The following MTA3 variants were observed in gnomAD, a reference collection of about 807,000 sequenced individuals.
MTA3 encodes metastasis associated 1 family member 3, also known as metastasis-associated protein MTA3.
A neutral mutation model predicts 83.5 loss-of-function variants in MTA3; 34 were observed. That is an observed-to-expected ratio of 0.41 (90% CI 0.31 to 0.54). MTA3 has a LOEUF of 0.54. Among genes scored for constraint, MTA3 ranks in the 20% least tolerant of loss-of-function variants. MTA3 has a pLI of 0.33. For synonymous variants in MTA3, 303 were observed against 252.7 expected, an observed-to-expected ratio of 1.20 and a Z score of -1.89; for missense variants, 761 against 726.4, an observed-to-expected ratio of 1.05 and a Z score of -0.55.
chr2:42,513,819 C>A (rs1675010526), intron 2 of MTA3, among the ~76,000 whole-genome samples: 1 of 152,194 alleles, frequency 6.6e-6, no homozygotes, highest in Non-Finnish European at 1.5e-5. Context: ...AACGGGCTTA[C>A]ACCTAGGAAA....
chr2:42,608,713 T>C (rs1683808101), intron 3 of MTA3, among the ~76,000 whole-genome samples: 1 of 152,098 alleles, frequency 6.6e-6, no homozygotes, highest in Non-Finnish European at 1.5e-5. Context: ...TGTAACGCTG[T>C]CTCTACTAAA....
intron 2 of MTA3, among the ~76,000 whole-genome samples, chr2:42,499,832 G>C (rs1674315669): frequency 6.6e-6 from 1 of 151,906 alleles, no homozygotes; most frequent in South Asian, 2.1e-4. Context: ...TGATGGATAT[G>C]TTTATGGCAT....
In MTA3 at chr2:42,722,881, C is replaced by G. The variant is rs1291282976; in HGVS notation, c.1613-8C>G. 3 of 1,549,894 alleles carry G rather than the reference C, an allele frequency of 1.9e-6. No homozygotes were observed. Among genetic ancestry groups the G allele is most frequent in the African/African-American group, 1.4e-5 (1 of 73,038 alleles). ...TTCTGAATTGAGAAACCTTTTTTCC[C>G]CCATCAGAGATCCATCCTGCAAAGA... On this transcript the variant is annotated splice_region_variant and splice_polypyrimidine_tract_variant and intron_variant, in intron 15 of 16. Coordinates refer to ENST00000405094, the MANE Select transcript of MTA3 (RefSeq NM_001330442.2).
intron 4 of MTA3, among the ~76,000 whole-genome samples, chr2:42,621,132 GTT>G (rs3039328): frequency 7.3e-6 from 1 of 137,390 alleles, no homozygotes; most frequent in Non-Finnish European, 1.5e-5. Context: ...TCTTATTAGA[GTT>G]TTTTTTTTTT....
At chr2:42,734,054 G>T (rs1049443575) in intron 16 of MTA3, among the ~76,000 whole-genome samples, 1 of 152,180 alleles carries the variant, frequency 6.6e-6, no homozygotes, top group Admixed American at 6.5e-5. Context: ...TTGGTCTACA[G>T]TGCAGATTAA....
intron 3 of MTA3, among the ~76,000 whole-genome samples, chr2:42,603,840 T>A (rs1251520412): frequency 6.6e-6 from 1 of 152,002 alleles, no homozygotes; most frequent in Non-Finnish European, 1.5e-5. Context: ...AAGCCCCGCC[T>A]CCCGGCTTCA....
chr2:42,666,120 A>T (rs1412799881), intron 8 of MTA3, among the ~76,000 whole-genome samples: 1 of 152,162 alleles, frequency 6.6e-6, no homozygotes, highest in Admixed American at 6.5e-5. Context: ...TACTAAAAAT[A>T]CAAAAAATTA....
chr2:42,751,518 A>G (rs1039483729), intron 16 of MTA3, among the ~76,000 whole-genome samples: 6 of 152,136 alleles, frequency 3.9e-5, no homozygotes, highest in Non-Finnish European at 8.8e-5. Context: ...AGGAGAGTGA[A>G]GTGATAACCT....
intron 9 of MTA3, among the ~76,000 whole-genome samples, chr2:42,684,980 G>C (rs1294564462): frequency 1.3e-5 from 2 of 152,226 alleles, no homozygotes; most frequent in Non-Finnish European, 2.9e-5. Context: ...TTGTGCCAAA[G>C]TGGAAGAGGC....
intron 4 of MTA3, among the ~76,000 whole-genome samples, chr2:42,619,267 T>C (rs1685262311): frequency 1.3e-5 from 2 of 152,172 alleles, no homozygotes; most frequent in African/African-American, 4.8e-5. Flanking sequence ...AGAGCACTCA[T>C]GAAAAAACTA....
chr2:42,750,078 G>A (rs558754437), intron 16 of MTA3, among the ~76,000 whole-genome samples: 4 of 152,066 alleles, frequency 2.6e-5, no homozygotes, highest in East Asian at 3.9e-4. Context: ...TGCAACCTCC[G>A]CCTCCTGGGT....
intron 3 of MTA3, among the ~76,000 whole-genome samples, chr2:42,580,893 T>G (rs541275392): frequency 5.3e-5 from 8 of 152,232 alleles, no homozygotes; most frequent in Admixed American, 3.9e-4. Context: ...CCGGCCAGTT[T>G]GATACTTTGA....
intron 4 of MTA3, among the ~76,000 whole-genome samples, chr2:42,639,578 C>T (rs1010634885): frequency 6.6e-6 from 1 of 152,106 alleles, no homozygotes; most frequent in Admixed American, 6.5e-5. Context: ...CCTCAAGGTC[C>T]GTGGATCTGT....
At chr2:42,688,864 G>A (rs976794156) in intron 9 of MTA3, among the ~76,000 whole-genome samples, 19 of 152,076 alleles carry the variant, frequency 1.2e-4, no homozygotes, top group African/African-American at 4.3e-4. Context: ...CCAATACAGT[G>A]TTCAAAAGAA....
At chr2:42,686,954 A>G (rs1573619507) in intron 9 of MTA3, among the ~76,000 whole-genome samples, 2 of 149,844 alleles carry the variant, frequency 1.3e-5, no homozygotes, top group Admixed American at 1.3e-4. Context: ...CCCCATCTCT[A>G]CAAAAAAAAA....
At chr2:42,505,240 A>G (rs1369702304) in intron 2 of MTA3, among the ~76,000 whole-genome samples, 1 of 151,998 alleles carries the variant, frequency 6.6e-6, no homozygotes, top group African/African-American at 2.4e-5. Context: ...AAAATACAAA[A>G]AATTAGCCCG....
intron 3 of MTA3, among the ~76,000 whole-genome samples, chr2:42,594,332 G>T (rs757941183): frequency 6.8e-6 from 1 of 147,754 alleles, no homozygotes; most frequent in Non-Finnish European, 1.5e-5. Context: ...TGCCTCCCGG[G>T]CTCAAGCAAT....
chr2:42,679,383 T>C (rs1174205957), intron 8 of MTA3, among the ~76,000 whole-genome samples: 1 of 152,112 alleles, frequency 6.6e-6, no homozygotes, highest in Non-Finnish European at 1.5e-5. Context: ...ACAATTGGGG[T>C]AACCGCTATC....
At chr2:42,701,422 CAAA>C (rs139663615) in intron 11 of MTA3, among the ~76,000 whole-genome samples, 16 of 117,022 alleles carry the variant, frequency 1.4e-4, no homozygotes, top group East Asian at 4.9e-4. Context: ...CTGTATCTAT[CAAA>C]AAAAAAAAAA....
Sources: allele counts gnomAD v4.1 joint callset (sites outside exome capture counted in the v4.1 genomes callset), GRCh38; gene constraint gnomAD v4.1.1; transcripts MANE v1.5; gene names NCBI Gene and HGNC (gene_info 2026-07-23, HGNC 2026-07-21).